The following GSTCD variants were observed in gnomAD, a reference collection of about 807,000 sequenced individuals.
GSTCD encodes the protein glutathione S-transferase C-terminal domain-containing protein.
A neutral mutation model predicts 68.3 loss-of-function variants in GSTCD; 44 were observed. That is an observed-to-expected ratio of 0.64 (90% CI 0.51 to 0.83). The LOEUF (loss-of-function observed/expected upper bound fraction) is 0.83. Ranked by LOEUF, GSTCD falls within the 40% of genes least tolerant of loss-of-function variation. GSTCD has a pLI of 0.00. For synonymous variants in GSTCD, 273 were observed against 255.2 expected (o/e 1.07, Z -0.67); for missense variants, 739 against 735.9 (o/e 1.00, Z -0.05).
At chr4:105,791,222 T>G (rs1233692937) in intron 5 of GSTCD, among the ~76,000 whole-genome samples, 1 of 151,596 alleles carries the variant, frequency 6.6e-6, no homozygotes, top group Non-Finnish European at 1.5e-5. Flanking sequence ...TGAAACCCCG[T>G]CTCTACTAAA....
At chr4:105,730,975 C>T (rs1291528466) in intron 5 of GSTCD, among the ~76,000 whole-genome samples, 1 of 152,088 alleles carries the variant, frequency 6.6e-6, no homozygotes, top group Non-Finnish European at 1.5e-5. Flanking sequence ...GCCAGTTTTC[C>T]CAGCATCATT....
At chr4:105,725,532 A>T (rs1310605784) in intron 3 of GSTCD, among the ~76,000 whole-genome samples, 2 of 152,026 alleles carry the variant, frequency 1.3e-5, no homozygotes, top group East Asian at 3.9e-4. Context: ...TGCCATTCTG[A>T]TAGGTGGCAT....
intron 3 of GSTCD, among the ~76,000 whole-genome samples, chr4:105,720,165 CTG>C (rs772429047): frequency 4.5e-4 from 49 of 108,452 alleles, no homozygotes; most frequent in African/African-American, 1.9e-4. Context: ...CTCTCTCTCT[CTG>C]TCTGTCTTAC....
intron 1 of GSTCD, among the ~76,000 whole-genome samples, chr4:105,715,265 T>A (rs1360910716): frequency 1.3e-5 from 2 of 152,164 alleles, no homozygotes; most frequent in African/African-American, 4.8e-5. Flanking sequence ...AGGTGTTATA[T>A]TAATAATGAA....
chr4:105,846,668 C>CTTTTTTTT lies in GSTCD; in HGVS notation c.*1104_*1111dup, dbSNP rs71586114. 8.5e-6 allele frequency: 1 copy of CTTTTTTTT among 117,972 alleles called. No individual in the cohort carries two copies. Among genetic ancestry groups the CTTTTTTTT allele is most frequent in the African/African-American group, 3.2e-5 (1 of 31,654 alleles). 7.3% of individuals were successfully genotyped at this position (117,972 alleles called of 1,614,324 possible). ...GAAAAAGATTAAAGAATTAGTTAAG[C>CTTTTTTTT]TTTTTTTTTTTTTTTTTTTTGAGAC... On this transcript the variant is annotated 3_prime_UTR_variant, in exon 12 of 12. Transcript: ENST00000515279.
intron 5 of GSTCD, among the ~76,000 whole-genome samples, chr4:105,806,254 A>G (rs1395436990): frequency 1.3e-5 from 2 of 152,146 alleles, no homozygotes; most frequent in Non-Finnish European, 2.9e-5. Context: ...GAAAATAGGT[A>G]TCTGACTGTG....
At chr4:105,739,455 T>G (rs1480974793) in intron 5 of GSTCD, among the ~76,000 whole-genome samples, 1 of 152,192 alleles carries the variant, frequency 6.6e-6, no homozygotes, top group African/African-American at 2.4e-5. Context: ...CTTTGAATGT[T>G]TGGTATAATT....
chr4:105,811,139 T>C (rs1405254025), intron 5 of GSTCD, among the ~76,000 whole-genome samples: 1 of 152,298 alleles, frequency 6.6e-6, no homozygotes, highest in Middle Eastern at 3.4e-3. Flanking sequence ...ACTGCAAGAC[T>C]CCTTAGCACT....
intron 5 of GSTCD, among the ~76,000 whole-genome samples, chr4:105,812,412 G>A (rs1055069496): frequency 6.6e-6 from 1 of 151,740 alleles, no homozygotes; most frequent in African/African-American, 2.4e-5. Context: ...TGTTGACCAG[G>A]CTGGTCTCAA....
At chr4:105,775,620 G>C (rs113538688) in intron 5 of GSTCD, among the ~76,000 whole-genome samples, 6,778 of 152,310 alleles carry the variant, frequency 0.045, 209 homozygotes, top group Middle Eastern at 0.13. Context: ...CTGCAGGTCT[G>C]CTGGAGTTTG....
chr4:105,790,837 A>T (rs190011150), intron 5 of GSTCD, among the ~76,000 whole-genome samples: 19 of 152,012 alleles, frequency 1.2e-4, no homozygotes, highest in South Asian at 4.1e-4. Context: ...CCTTTTTTTT[A>T]AAAATTTTAT....
At chr4:105,755,308 G>A (rs552129085) in intron 5 of GSTCD, among the ~76,000 whole-genome samples, 14 of 151,650 alleles carry the variant, frequency 9.2e-5, no homozygotes, top group African/African-American at 3.4e-4. Flanking sequence ...TGTCTAGGAA[G>A]GAAAGAAGGA....
rs768157077 is a variant in GSTCD at position 105,719,277 on chromosome 4, G to C, written c.644G>C (p.Gly215Ala). Residue 215 changes from glycine to alanine, a missense_variant, in exon 3 of 12, where the codon GGA (glycine) becomes GCA (alanine). Coordinates refer to ENST00000515279, the MANE Select transcript of GSTCD (RefSeq NM_001370181.1). ...ADGVGPPLTK[G>A]KAKSKVHTQE... ...GGAGTTGGGCCTCCCCTTACTAAGGGAAAGGCAAAGAGCAAGGTCCACACA... is the reference window on the plus strand; with the variant it reads ...GGAGTTGGGCCTCCCCTTACTAAGGCAAAGGCAAAGAGCAAGGTCCACACA... The C allele has an allele frequency of 3.3e-5, 53 of 1,613,972 alleles. No individual in the cohort carries two copies. Among genetic ancestry groups the C allele is most frequent in the Non-Finnish European group, 4.3e-5 (51 of 1,180,004 alleles).
chr4:105,776,778 A>G (rs916954608), intron 5 of GSTCD, among the ~76,000 whole-genome samples: 12 of 152,186 alleles, frequency 7.9e-5, no homozygotes, highest in Admixed American at 6.5e-4. Flanking sequence ...AGCTGTTCCT[A>G]TTCGGCCAGC....
In GSTCD at chr4:105,726,629, A is replaced by G. The variant is rs1281711907; in HGVS notation, c.945A>G (p.Leu315=). The G allele has an allele frequency of 1.2e-6, 2 of 1,612,336 alleles. No homozygotes were observed. The highest frequency in any genetic ancestry group is 2.2e-5 in the East Asian group (1 of 44,806). Residue 315 remains leucine (L), a synonymous_variant, in exon 4 of 12, where the codon CTA becomes CTG. Coordinates refer to ENST00000515279, the MANE Select transcript of GSTCD (RefSeq NM_001370181.1). ...AGAAGCTGGTAGAATTTCCATTGCTAGCCTCTTGGTACCAGAGGATTCAGG... is the reference window on the plus strand; with the variant it reads ...AGAAGCTGGTAGAATTTCCATTGCTGGCCTCTTGGTACCAGAGGATTCAGG... ...FSEKLVEFPL[L]ASWYQRIQEV...
intron 5 of GSTCD, among the ~76,000 whole-genome samples, chr4:105,811,411 C>A (rs1722743425): frequency 6.6e-6 from 1 of 151,254 alleles, no homozygotes. Context: ...GTAGTTTCAT[C>A]TGACCAGAGA....
intron 5 of GSTCD, among the ~76,000 whole-genome samples, chr4:105,766,887 C>CT: frequency 0.013 from 757 of 57,078 alleles, 39 homozygotes; most frequent in African/African-American, 0.042. Context: ...GTTTTTGACT[C>CT]TTTTTTTTTT....
At chr4:105,792,998 G>T (rs913554134) in intron 5 of GSTCD, among the ~76,000 whole-genome samples, 3 of 151,950 alleles carry the variant, frequency 2.0e-5, no homozygotes, top group Non-Finnish European at 4.4e-5. Flanking sequence ...TTTCAATTGT[G>T]TAATAAAATC....
In GSTCD at chr4:105,756,517, C is replaced by T. The variant is rs1047393067; in HGVS notation, c.1240+27018C>T. 1.1e-3 allele frequency among the ~76,000 whole-genome samples: 159 copies of T among 150,302 alleles called. 4 individuals are homozygous for T. The East Asian group carries it at 0.03, about 28-fold the overall frequency. On this transcript the variant is annotated intron_variant, in intron 5 of 11. Transcript: ENST00000515279. The stretch of plus-strand genomic sequence containing the variant: ...ACATACACACACACACACACACACA[C>T]ACACACACACGTATATACATATATA...
Sources: gnomAD v4.1 joint callset for allele counts (sites outside exome capture counted in the v4.1 genomes callset) on GRCh38, gnomAD v4.1.1 for gene constraint, MANE v1.5 for transcripts, NCBI Gene and HGNC (gene_info 2026-07-23, HGNC 2026-07-21) for gene names.